Variants in KIF26B observed in about 807,000 individuals in gnomAD.
The protein encoded by KIF26B is kinesin-like protein KIF26B.
Under a neutral mutation model 151.2 loss-of-function variants are expected in KIF26B, and 63 were observed. The observed-to-expected ratio is 0.42, with a 90% CI of 0.34 to 0.51. The LOEUF (loss-of-function observed/expected upper bound fraction) is 0.51, where lower values mean the gene tolerates loss of function less well. KIF26B is among the 20% of genes least tolerant of loss of function. KIF26B has a pLI of 0.07. For synonymous variants in KIF26B, 1,357 were observed against 1,262.1 expected (o/e 1.08, Z -1.59); for missense variants, 2,813 against 2,913.6 (o/e 0.97, Z 0.79).
At chr1:245,279,024 T>C (rs1000144582) in intron 2 of KIF26B, among the ~76,000 whole-genome samples, 3 of 152,192 alleles carry the variant, frequency 2.0e-5, no homozygotes, top group African/African-American at 4.8e-5. Flanking sequence ...ACGTGTCTGA[T>C]AGCCAGTTCC....
chr1:245,656,009 T>C (rs113126190), intron 10 of KIF26B, among the ~76,000 whole-genome samples: 4 of 152,318 alleles, frequency 2.6e-5, no homozygotes, highest in African/African-American at 9.6e-5. Context: ...CTAAGCCTAA[T>C]TGAGGTCACC....
At chr1:245,588,674 C>G (rs980913660) in intron 5 of KIF26B, among the ~76,000 whole-genome samples, 1 of 152,176 alleles carries the variant, frequency 6.6e-6, no homozygotes, top group African/African-American at 2.4e-5. Flanking sequence ...GGAACTCTTA[C>G]GTGGAAATGC....
At position 245,686,169 on chromosome 1, in the gene KIF26B, C is replaced by T; in HGVS notation, c.3186C>T (p.Pro1062=). The T allele has an allele frequency of 6.2e-7, 1 of 1,612,586 alleles. No individual in the cohort carries two copies. Among genetic ancestry groups the T allele is most frequent in the Non-Finnish European group, 8.5e-7 (1 of 1,179,876 alleles). ...GCTTCGTGGAAGGCAAGCCCAGGCC[C>T]ATGGGCTCCCCCCGGCTGGGCATCG... ...SCGFVEGKPR[P]MGSPRLGIAS... Residue 1062 remains proline (P), a synonymous_variant, in exon 12 of 15, where the codon CCC becomes CCT. Transcript: ENST00000407071. The surrounding 1 kb of genome is among the most constrained non-coding windows in gnomAD (Gnocchi z 5.6).
At chr1:245,192,898 TTTTTTAC>T (rs1573699956) in intron 2 of KIF26B, among the ~76,000 whole-genome samples, 1 of 152,018 alleles carries the variant, frequency 6.6e-6, no homozygotes, top group East Asian at 1.9e-4. Context: ...CAGATAATTT[TTTTTTAC>T]TTTTAGTCTC....
intron 3 of KIF26B, among the ~76,000 whole-genome samples, chr1:245,379,791 T>A (rs1157027645): frequency 6.6e-6 from 1 of 151,980 alleles, no homozygotes; most frequent in Non-Finnish European, 1.5e-5. Flanking sequence ...GCTAAGATGC[T>A]GAAACCCCGT....
chr1:245,292,980 C>G (rs981658927), intron 2 of KIF26B, among the ~76,000 whole-genome samples: 1 of 152,142 alleles, frequency 6.6e-6, no homozygotes, highest in African/African-American at 2.4e-5. Context: ...GTCTGCTTAT[C>G]AATCATGTTC....
intron 9 of KIF26B, among the ~76,000 whole-genome samples, chr1:245,625,469 A>C (rs2043714211): frequency 1.3e-5 from 2 of 152,160 alleles, no homozygotes; most frequent in African/African-American, 4.8e-5. Flanking sequence ...TTTTTAAAGT[A>C]GGAAAAAGCT....
In KIF26B at chr1:245,686,397, A is replaced by C; in HGVS notation, c.3414A>C (p.Lys1138Asn). Residue 1138 changes from lysine (K) to asparagine (N), a missense_variant, in exon 12 of 15, where the codon AAA becomes AAC. This residue lies in a region of KIF26B where 2,060 missense variants were observed against 2,088.6 expected (regional missense o/e 0.99). Transcript: ENST00000407071. This position sits in a 1 kb window ranked among gnomAD's most constrained non-coding sequence, Gnocchi z 5.6. ...PVGMSPQVLKKSMSAGSEGFP... is the reference protein window; with the variant it reads ...PVGMSPQVLKNSMSAGSEGFP... ...GAATGAGCCCCCAGGTTTTGAAAAA[A>C]TCCATGTCTGCTGGGAGCGAAGGGT... is the stretch of plus-strand genomic sequence containing the variant. The C allele has an allele frequency of 6.2e-7, 1 of 1,613,376 alleles. No individual in the cohort carries two copies. Among genetic ancestry groups the C allele is most frequent in the Non-Finnish European group, 8.5e-7 (1 of 1,179,878 alleles).
chr1:245,693,082 C>G (rs2044648237), intron 12 of KIF26B, among the ~76,000 whole-genome samples: 1 of 152,224 alleles, frequency 6.6e-6, no homozygotes, highest in Admixed American at 6.5e-5. Context: ...TTTTCTTCCT[C>G]CAGTCTCTTA....
chr1:245,566,353 C>G (rs1249570460), intron 5 of KIF26B, among the ~76,000 whole-genome samples: 1 of 152,248 alleles, frequency 6.6e-6, no homozygotes, highest in Non-Finnish European at 1.5e-5. Flanking sequence ...CAGGTGCTAC[C>G]TTTCACCCAA....
intron 2 of KIF26B, among the ~76,000 whole-genome samples, chr1:245,232,611 T>C (rs75978785): frequency 0.096 from 14,395 of 150,240 alleles, 1,381 homozygotes; most frequent in African/African-American, 0.25. Flanking sequence ...AGTACAGTGG[T>C]GCGATCTCAG....
At chr1:245,624,167 G>T (rs116475237) in intron 9 of KIF26B, among the ~76,000 whole-genome samples, 2 of 151,824 alleles carry the variant, frequency 1.3e-5, no homozygotes, top group Non-Finnish European at 2.9e-5. Flanking sequence ...CCAGTCTCAG[G>T]TAGTTATTTA....
chr1:245,305,316 A>G (rs1447332747), intron 2 of KIF26B, among the ~76,000 whole-genome samples: 1 of 152,194 alleles, frequency 6.6e-6, no homozygotes, highest in Admixed American at 6.5e-5. Context: ...CAACCCACAG[A>G]ATGGGAGAAA....
At chr1:245,486,381 G>T (rs568421550) in intron 4 of KIF26B, among the ~76,000 whole-genome samples, 1 of 110,836 alleles carries the variant, frequency 9.0e-6, no homozygotes, top group African/African-American at 2.7e-5. Context: ...GATAGAGTTG[G>T]CAATTTAAGG....
At chr1:245,182,916 G>A (rs573782505) in intron 2 of KIF26B, among the ~76,000 whole-genome samples, 7 of 152,272 alleles carry the variant, frequency 4.6e-5, no homozygotes, top group East Asian at 1.9e-4. Context: ...GATTATAGGC[G>A]TGAGCCACCA....
intron 9 of KIF26B, among the ~76,000 whole-genome samples, chr1:245,621,152 C>T (rs369954573): frequency 3.5e-4 from 53 of 152,224 alleles, no homozygotes; most frequent in African/African-American, 1.2e-3. Context: ...GTCAATATTT[C>T]TTGAAAGATT....
intron 2 of KIF26B, among the ~76,000 whole-genome samples, chr1:245,203,924 G>A (rs750633581): frequency 6.6e-6 from 1 of 152,186 alleles, no homozygotes; most frequent in African/African-American, 2.4e-5. Context: ...AAGAGCTTCA[G>A]GATAAAGTTT....
At chr1:245,424,345 A>G (rs911740515) in intron 4 of KIF26B, among the ~76,000 whole-genome samples, 1 of 152,102 alleles carries the variant, frequency 6.6e-6, no homozygotes, top group East Asian at 1.9e-4. Flanking sequence ...ATGGGGTTTC[A>G]TCATGTTGCC....
At chr1:245,192,507 C>T in intron 2 of KIF26B, among the ~76,000 whole-genome samples, 1 of 152,256 alleles carries the variant, frequency 6.6e-6, no homozygotes, top group Middle Eastern at 3.4e-3. Context: ...ATATATCTGT[C>T]TTAAGAATTT....
Sources: gnomAD v4.1 joint callset for allele counts (sites outside exome capture counted in the v4.1 genomes callset) on GRCh38, gnomAD v4.1.1 for gene constraint, gnomAD v4.1.1 regional missense constraint, Gnocchi (gnomAD v3.1) non-coding constraint, MANE v1.5 for transcripts, NCBI Gene and HGNC (gene_info 2026-07-23, HGNC 2026-07-21) for gene names.